FGF12: variants seen among roughly 807,000 people sequenced by gnomAD.
FGF12 encodes the protein fibroblast growth factor 12B.
A neutral mutation model predicts 23.6 loss-of-function variants in FGF12; 14 were observed. That is an observed-to-expected ratio of 0.59 (90% CI 0.39 to 0.93). FGF12 has a LOEUF of 0.93. Ranked by LOEUF, FGF12 falls within the 40% of genes least tolerant of loss-of-function variation. The pLI is 0.00. For synonymous variants in FGF12, 62 were observed against 77.3 expected (o/e 0.80, Z 1.04); for missense variants, 175 against 217.8 (o/e 0.80, Z 1.24).
intron 2 of FGF12, chr3:192,517,118 C>T (rs1033227920): frequency 3.9e-5 from 6 of 152,178 alleles, no homozygotes; most frequent in Admixed American, 2.0e-4. Flanking sequence ...GCTGTGGTTC[C>T]CTCGACGGCA....
At chr3:192,376,365 T>C (rs932975200) in intron 2 of FGF12, among the ~76,000 whole-genome samples, 11 of 151,698 alleles carry the variant, frequency 7.3e-5, no homozygotes, top group African/African-American at 2.7e-4. Flanking sequence ...TATTTATTTT[T>C]ATTTTTATTT....
At chr3:192,289,082 A>T (rs1714618157) in intron 4 of FGF12, among the ~76,000 whole-genome samples, 1 of 152,184 alleles carries the variant, frequency 6.6e-6, no homozygotes, top group South Asian at 2.1e-4. Context: ...GAAAACACTG[A>T]TAATCATGCA....
In FGF12 at chr3:192,577,180, T is replaced by A. The variant is rs1235686927; in HGVS notation, c.13+150001A>T. ...GTAACAAACCTGCACATTCTGCACA[T>A]GTATCCCAGAACTTAAAGTGTAATA... On this transcript the variant is annotated intron_variant, in intron 2 of 5. Coordinates refer to ENST00000445105, the MANE Select transcript of FGF12 (RefSeq NM_004113.6). Among the ~76,000 whole-genome samples, 3 of 152,278 alleles carry A rather than the reference T, an allele frequency of 2.0e-5. No individual in the cohort carries two copies. In the South Asian group the frequency reaches 6.2e-4, roughly 32 times the overall value.
chr3:192,230,371 C>G (rs367967824), intron 4 of FGF12, among the ~76,000 whole-genome samples: 4 of 152,100 alleles, frequency 2.6e-5, no homozygotes, highest in African/African-American at 9.7e-5. Flanking sequence ...CACATATACT[C>G]TTGATGTATT....
chr3:192,643,585 C>A (rs1428458689), intron 2 of FGF12, among the ~76,000 whole-genome samples: 2 of 152,114 alleles, frequency 1.3e-5, no homozygotes, highest in African/African-American at 2.4e-5. Context: ...TATGAATGTC[C>A]TTTCCTTTTA....
At chr3:192,707,082 C>T (rs907365707) in intron 2 of FGF12, among the ~76,000 whole-genome samples, 3 of 152,158 alleles carry the variant, frequency 2.0e-5, no homozygotes, top group Admixed American at 6.5e-5. Context: ...TTTCAGTTTC[C>T]GCTTTTGAGT....
At chr3:192,618,990 T>A (rs948585865) in intron 2 of FGF12, among the ~76,000 whole-genome samples, 11 of 151,662 alleles carry the variant, frequency 7.3e-5, no homozygotes, top group South Asian at 4.2e-4. Flanking sequence ...CTATAAAAAA[T>A]ATATATATGT....
intron 2 of FGF12, among the ~76,000 whole-genome samples, chr3:192,487,003 T>C (rs1723655264): frequency 6.6e-6 from 1 of 151,864 alleles, no homozygotes; most frequent in African/African-American, 2.4e-5. Flanking sequence ...TGTTTTACTA[T>C]TATTATTATT....
In FGF12 at chr3:192,628,277, T is replaced by A. The variant is rs74287959; in HGVS notation, c.13+98904A>T. Among the ~76,000 whole-genome samples, 3,450 of 152,238 alleles carry A rather than the reference T, an allele frequency of 0.023. 451 individuals are homozygous for A. In the East Asian group the frequency reaches 0.4, roughly 18 times the overall value. On this transcript the variant is annotated intron_variant, in intron 2 of 5. Transcript: ENST00000445105. ...TTTAGGATATTTAGGCTGTTTCTAC[T>A]TCAGAGCTATTTTAGATAAAGCTGC... is the stretch of plus-strand genomic sequence containing the variant.
chr3:192,674,929 C>A (rs929822186), intron 2 of FGF12, among the ~76,000 whole-genome samples: 11 of 152,334 alleles, frequency 7.2e-5, no homozygotes, highest in African/African-American at 2.2e-4. Flanking sequence ...TTTGCAAGAA[C>A]ATCATACCCT....
intron 2 of FGF12, among the ~76,000 whole-genome samples, chr3:192,513,739 C>A (rs1724564051): frequency 6.6e-6 from 1 of 152,160 alleles, no homozygotes; most frequent in South Asian, 2.1e-4. Context: ...GGCAAAAAGA[C>A]ACTTGTCTAG....
chr3:192,442,854 A>C lies in FGF12; in HGVS notation c.14-82316T>G, dbSNP rs148309302. Reference sequence around the variant, plus strand: ...ACAGAGTCTCATTCTGTCACCCAGGATGGAGTGCAGTGGCGCAGTCTCGGC... The same window carrying C: ...ACAGAGTCTCATTCTGTCACCCAGGCTGGAGTGCAGTGGCGCAGTCTCGGC... On this transcript the variant is annotated intron_variant, in intron 2 of 5. Transcript: ENST00000445105. Among the ~76,000 whole-genome samples the C allele has an allele frequency of 3.4e-5, 5 of 148,014 alleles. No individual in the cohort carries two copies. In the East Asian group the frequency reaches 9.9e-4, roughly 29 times the overall value.
intron 2 of FGF12, among the ~76,000 whole-genome samples, chr3:192,611,081 C>T (rs1012274767): frequency 1.3e-5 from 2 of 151,978 alleles, no homozygotes; most frequent in African/African-American, 4.8e-5. Context: ...AGCATAATCT[C>T]AAAGCCTACA....
In FGF12 at chr3:192,408,760, G is replaced by A. The variant is rs1367191654; in HGVS notation, c.14-48222C>T. 2.0e-6 allele frequency: 2 copies of A among 986,098 alleles called. No homozygotes were observed. Among genetic ancestry groups the A allele is most frequent in the South Asian group, 9.4e-5 (2 of 21,310 alleles). The allele number at this position is 986,098 out of a possible 1,614,324, so 61.1% of individuals were successfully genotyped here. ...CCCCCGGTAGAAAATACTAAAAAGTGAATAAAACGTTCCTTTAGAAAACAA... is the reference window on the plus strand; with the variant it reads ...CCCCCGGTAGAAAATACTAAAAAGTAAATAAAACGTTCCTTTAGAAAACAA... On this transcript the variant is annotated intron_variant, in intron 2 of 5. Transcript: ENST00000445105. This position sits in a 1 kb window ranked among gnomAD's most constrained non-coding sequence, Gnocchi z 7.3.
intron 4 of FGF12, among the ~76,000 whole-genome samples, chr3:192,210,130 G>C (rs1433546706): frequency 2.0e-5 from 3 of 151,196 alleles, no homozygotes; most frequent in Non-Finnish European, 4.4e-5. Context: ...TGATCCTTGA[G>C]AGAAAAAAAC....
chr3:192,298,181 A>G (rs1190787839), intron 4 of FGF12, among the ~76,000 whole-genome samples: 1 of 152,212 alleles, frequency 6.6e-6, no homozygotes, highest in African/African-American at 2.4e-5. Flanking sequence ...TTAACCAGTC[A>G]ATCAATCATC....
chr3:192,328,890 T>C (rs1716966283), intron 4 of FGF12, among the ~76,000 whole-genome samples: 1 of 152,250 alleles, frequency 6.6e-6, no homozygotes, highest in Non-Finnish European at 1.5e-5. Context: ...TCAGTATGTA[T>C]TGAACAAATT....
rs35730192 is a variant in FGF12 at position 192,411,957 on chromosome 3, G to GTT, written c.14-51421_14-51420dup. On this transcript the variant is annotated intron_variant, in intron 2 of 5. Transcript: ENST00000445105. The stretch of plus-strand genomic sequence containing the variant: ...CAAATGAATGAATAAAATATGGCCG[G>GTT]TTTTTTTTTTCCAAAGAAAATGCAT... Among the ~76,000 whole-genome samples the GTT allele has an allele frequency of 2.5e-4, 38 of 149,680 alleles. 1 individual carries two copies. The East Asian group carries it at 3.1e-3, about 12-fold the overall frequency.
At chr3:192,306,778 G>A (rs1047096625) in intron 4 of FGF12, among the ~76,000 whole-genome samples, 3 of 152,100 alleles carry the variant, frequency 2.0e-5, no homozygotes, top group Admixed American at 6.5e-5. Context: ...TTTCAGGAGA[G>A]GCAGTATAAA....
Sources: gnomAD v4.1 joint callset for allele counts (sites outside exome capture counted in the v4.1 genomes callset) on GRCh38, gnomAD v4.1.1 for gene constraint, Gnocchi (gnomAD v3.1) non-coding constraint, MANE v1.5 for transcripts, NCBI Gene and HGNC (gene_info 2026-07-23, HGNC 2026-07-21) for gene names.